MAU2: variants seen among roughly 807,000 people sequenced by gnomAD.
MAU2 encodes MAU2 sister chromatid cohesion factor, also known as MAU2 chromatid cohesion factor homolog.
Under a neutral mutation model 89.1 loss-of-function variants are expected in MAU2, and 9 were observed. The observed-to-expected ratio is 0.10, with a 90% CI of 0.06 to 0.18. The LOEUF is 0.18. MAU2 is among the 10% of genes least tolerant of loss of function. The pLI, the probability that MAU2 is intolerant of heterozygous loss-of-function variation, is 1.00. For synonymous variants in MAU2, 357 were observed against 343.4 expected, an observed-to-expected ratio of 1.04 and a Z score of -0.44; for missense variants, 425 against 803.5, an observed-to-expected ratio of 0.53 and a Z score of 5.69.
chr19:19,348,697 G>A (rs1203360776), intron 13 of MAU2, 192 bp from the exon 14 acceptor site: 1 of 682,976 alleles, frequency 1.5e-6, no homozygotes, highest in Non-Finnish European at 2.6e-6. Context: ...AGGCAGGGCT[G>A]GCTGAGGGTG....
At chr19:19,337,307 C>T (rs2061605091) in intron 4 of MAU2, 42 bp downstream of exon 4, 2 of 1,512,710 alleles carry the variant, frequency 1.3e-6, no homozygotes, top group African/African-American at 1.4e-5. Flanking sequence ...CGGCAGGGAC[C>T]ATGACCCTGG....
rs865943858 is a variant in MAU2 at position 19,345,300 on chromosome 19, C to G, written c.1156-4C>G. The G allele has an allele frequency of 6.2e-7, 1 of 1,613,500 alleles. No individual in the cohort carries two copies. The highest frequency in any genetic ancestry group is 1.3e-5 in the African/African-American group (1 of 75,026). ...GCCCTGATGACAACACCACCTTCTTCCAGGGCCTGTACTGTGTCTCTGTCA... is the reference window on the plus strand; with the variant it reads ...GCCCTGATGACAACACCACCTTCTTGCAGGGCCTGTACTGTGTCTCTGTCA... On this transcript the variant is annotated splice_region_variant and splice_polypyrimidine_tract_variant and intron_variant, in intron 11 of 18. Coordinates refer to ENST00000262815, the MANE Select transcript of MAU2 (RefSeq NM_015329.4). This position sits in a 1 kb window ranked among gnomAD's most constrained non-coding sequence, Gnocchi z 4.9.
intron 13 of MAU2, 145 bp downstream of exon 13, chr19:19,347,511 C>A: frequency 3.1e-6 from 2 of 637,344 alleles, no homozygotes; most frequent in East Asian, 2.8e-5. Flanking sequence ...GACACAGACA[C>A]ACAAGGCGAC....
rs2048198384 is a variant in MAU2 at position 19,357,993 on chromosome 19, G to A, written c.*2211G>A. 1.3e-5 allele frequency: 2 copies of A among 151,852 alleles called. No homozygotes were observed. The highest frequency in any genetic ancestry group is 2.9e-5 in the Non-Finnish European group (2 of 68,048). 9.4% of individuals were successfully genotyped at this position (151,852 alleles called of 1,614,324 possible). A position where few individuals can be genotyped will look rare whatever the true frequency, so the allele number is the denominator to read the frequency against. On this transcript the variant is annotated 3_prime_UTR_variant, in exon 19 of 19. Coordinates refer to ENST00000262815, the MANE Select transcript of MAU2 (RefSeq NM_015329.4). ...AGCTAACTGGGAGGCTGAGGCAGGA[G>A]GATCACTTGAGCCCAGGAGATTGAG...
rs1599902944 is a variant in MAU2, at chr19:19,336,242, A to C, written c.360+55A>C. On this transcript the variant is annotated intron_variant, in intron 3 of 18. Coordinates refer to ENST00000262815, the MANE Select transcript of MAU2 (RefSeq NM_015329.4). ...AAGTGTCTCTCCGTGTCGCTAAGAC[A>C]TGACAGCACATTGGTAAATTGGGGT... 5.4e-6 allele frequency: 7 copies of C among 1,304,714 alleles called. No homozygotes were observed. The East Asian group carries it at 1.6e-4, about 30-fold the overall frequency. The allele number at this position is 1,304,714 out of a possible 1,614,324, so 80.8% of individuals were successfully genotyped here.
At chr19:19,339,541 C>T (rs181566877) in intron 5 of MAU2, 5 of 151,364 alleles carry the variant, frequency 3.3e-5, no homozygotes, top group Admixed American at 6.6e-5. Flanking sequence ...TGTCCACCGC[C>T]GCGTTTTTTT....
Position 19,356,430 on chromosome 19 carries a change from C to T in MAU2, c.*648C>T, listed in dbSNP as rs890881679. The T allele has an allele frequency of 3.5e-5, 9 of 258,184 alleles. No homozygotes were observed. Among genetic ancestry groups the T allele is most frequent in the Admixed American group, 5.0e-5 (1 of 19,884 alleles). The allele number at this position is 258,184 out of a possible 1,614,324, so 16.0% of individuals were successfully genotyped here. On this transcript the variant is annotated 3_prime_UTR_variant, in exon 19 of 19. Transcript: ENST00000262815. The stretch of plus-strand genomic sequence containing the variant: ...ACCTTGACCGGACTCGCCATCCCGC[C>T]GTGGGGGTGCAGGTGATTGTAAACA...
chr19:19,342,088 T>C (rs1258303734), intron 7 of MAU2, among the ~76,000 whole-genome samples: 1 of 152,150 alleles, frequency 6.6e-6, no homozygotes, highest in Non-Finnish European at 1.5e-5. Context: ...GCAGCCACGC[T>C]TCCCTCAGGG....
chr19:19,342,709 G>A, intron 8 of MAU2, 28 bp downstream of exon 8: 1 of 1,612,498 alleles, frequency 6.2e-7, no homozygotes, highest in South Asian at 1.1e-5. Flanking sequence ...CCCGGGCCAG[G>A]GCTGGGGGCG....
intron 1 of MAU2, among the ~76,000 whole-genome samples, chr19:19,328,323 AT>A (rs1431024294): frequency 1.4e-5 from 2 of 147,236 alleles, no homozygotes; most frequent in East Asian, 2.0e-4. Context: ...CTTTTTTCTT[AT>A]TTTCCCACCT....
At chr19:19,331,662 A>G (rs1013558041) in intron 1 of MAU2, among the ~76,000 whole-genome samples, 4 of 152,064 alleles carry the variant, frequency 2.6e-5, no homozygotes, top group Admixed American at 6.6e-5. Context: ...AGTACTTTGG[A>G]AGGCTGAAAT....
At position 19,348,927 on chromosome 19, in the gene MAU2, C is replaced by T. The variant is rs764052319; in HGVS notation, c.1347C>T (p.Ser449=). Reference sequence around the variant, plus strand: ...TGGAGAGGATCAACCCGGACCACAGCTTCCCTGTCAGGTGAGCCGCTCCAG... The same window carrying T: ...TGGAGAGGATCAACCCGGACCACAGTTTCCCTGTCAGGTGAGCCGCTCCAG... ...SLLERINPDH[S]FPVSSHCLRA... Residue 449 remains serine (S), a synonymous_variant, in exon 14 of 19, where the codon AGC becomes AGT. Coordinates refer to ENST00000262815, the MANE Select transcript of MAU2 (RefSeq NM_015329.4). 1 of 1,613,742 alleles carries T rather than the reference C, an allele frequency of 6.2e-7. No homozygotes were observed. The highest frequency in any genetic ancestry group is 1.7e-5 in the Admixed American group (1 of 59,988).
chr19:19,335,753 G>T lies in MAU2; in HGVS notation c.294+18G>T. On this transcript the variant is annotated intron_variant, in intron 2 of 18. Coordinates refer to ENST00000262815, the MANE Select transcript of MAU2 (RefSeq NM_015329.4). ...CACAGCAAGTATCCTTTCCGTGTTG[G>T]TATGGTTCCCTTTAAGGAATTCTCC... The T allele has an allele frequency of 6.2e-7, 1 of 1,613,436 alleles. No homozygotes were observed. The highest frequency in any genetic ancestry group is 8.5e-7 in the Non-Finnish European group (1 of 1,179,376).
intron 4 of MAU2, among the ~76,000 whole-genome samples, chr19:19,338,185 C>T (rs752914952): frequency 6.6e-6 from 1 of 152,196 alleles, no homozygotes; most frequent in East Asian, 1.9e-4. Flanking sequence ...CAGGAGTTCC[C>T]GAGGCCCTCC....
rs2061447500 is a variant in MAU2, at chr19:19,320,949, G to C, written c.90G>C (p.Leu30=). ...EAADSWYLAL[L]GFAEHFRTSS... ...CCGACTCGTGGTACCTGGCGCTTCTGGGCTTCGCTGAGCACTTCCGCACTT... is the reference window on the plus strand; with the variant it reads ...CCGACTCGTGGTACCTGGCGCTTCTCGGCTTCGCTGAGCACTTCCGCACTT... The change falls in exon 1 of 19, where the codon CTG becomes CTC. Residue 30 remains leucine, a synonymous_variant. Coordinates refer to ENST00000262815, the MANE Select transcript of MAU2 (RefSeq NM_015329.4). 4 of 1,586,790 alleles carry C rather than the reference G, an allele frequency of 2.5e-6. No individual in the cohort carries two copies. Among genetic ancestry groups the C allele is most frequent in the Non-Finnish European group, 3.4e-6 (4 of 1,167,112 alleles).
intron 1 of MAU2, chr19:19,321,401 C>G: frequency 2.3e-6 from 1 of 439,658 alleles, no homozygotes; most frequent in Non-Finnish European, 4.0e-6. Flanking sequence ...TGAAAGTTGC[C>G]TGTTATTGGG....
chr19:19,333,321 C>G (rs996978574), intron 1 of MAU2, among the ~76,000 whole-genome samples: 11 of 151,970 alleles, frequency 7.2e-5, no homozygotes, highest in Admixed American at 6.6e-4. Flanking sequence ...CCCATCTCTA[C>G]AAAAAATAAA....
chr19:19,335,377 G>A (rs901046485), intron 1 of MAU2, among the ~76,000 whole-genome samples: 1 of 152,178 alleles, frequency 6.6e-6, no homozygotes, highest in African/African-American at 2.4e-5. Context: ...ACACCTGGGG[G>A]CCTTGCTGTG....
intron 16 of MAU2, among the ~76,000 whole-genome samples, chr19:19,350,814 GGC>G: frequency 6.6e-6 from 1 of 151,762 alleles, no homozygotes; most frequent in East Asian, 2.0e-4. Context: ...GCAGGAGAAT[GGC>G]ATGAACCAGG....
Sources: allele counts gnomAD v4.1 joint callset (sites outside exome capture counted in the v4.1 genomes callset), GRCh38; gene constraint gnomAD v4.1.1; non-coding constraint Gnocchi (gnomAD v3.1); transcripts MANE v1.5; gene names NCBI Gene and HGNC (gene_info 2026-07-23, HGNC 2026-07-21).